The following GNAQ variants were observed in gnomAD, a reference collection of about 807,000 sequenced individuals.
The protein encoded by GNAQ is guanine nucleotide-binding protein G(q) subunit alpha.
Under a neutral mutation model 43.9 loss-of-function variants are expected in GNAQ, and 8 were observed. The observed-to-expected ratio is 0.18, with a 90% CI of 0.11 to 0.33. The LOEUF is 0.33. Among genes scored for constraint, GNAQ ranks in the 10% least tolerant of loss-of-function variants. GNAQ has a pLI of 1.00. For missense variants in GNAQ, 158 were observed against 450.8 expected, an observed-to-expected ratio of 0.35 and a Z score of 5.88; for synonymous variants, 155 against 170.7, an observed-to-expected ratio of 0.91 and a Z score of 0.71.
chr9:77,783,271 T>C (rs1826424720), intron 5 of GNAQ, among the ~76,000 whole-genome samples: 1 of 152,176 alleles, frequency 6.6e-6, no homozygotes, highest in Non-Finnish European at 1.5e-5. Flanking sequence ...GTACTTTCTG[T>C]TCAATCTTGC....
intron 1 of GNAQ, among the ~76,000 whole-genome samples, chr9:77,935,432 C>A (rs1459312216): frequency 6.6e-6 from 1 of 152,162 alleles, no homozygotes; most frequent in Non-Finnish European, 1.5e-5. Context: ...GTTCTCACTT[C>A]TCCTAAAACA....
intron 5 of GNAQ, among the ~76,000 whole-genome samples, chr9:77,753,918 C>T (rs1825857358): frequency 6.6e-6 from 1 of 152,266 alleles, no homozygotes; most frequent in South Asian, 2.1e-4. Context: ...GTCAGGAAGT[C>T]ATCTTTAAAA....
intron 2 of GNAQ, among the ~76,000 whole-genome samples, chr9:77,837,847 ATTT>A (rs71360655): frequency 2.3e-5 from 3 of 128,958 alleles, no homozygotes; most frequent in African/African-American, 6.1e-5. Flanking sequence ...AGTGATTTAA[ATTT>A]TTTTTTTTTT....
chr9:77,853,063 A>T (rs1430703472), intron 2 of GNAQ, among the ~76,000 whole-genome samples: 1 of 152,234 alleles, frequency 6.6e-6, no homozygotes, highest in Non-Finnish European at 1.5e-5. Context: ...ATTTTAGAAA[A>T]GGAAAAGAGA....
chr9:77,847,173 T>C (rs1827600615), intron 2 of GNAQ, among the ~76,000 whole-genome samples: 1 of 152,232 alleles, frequency 6.6e-6, no homozygotes. Context: ...TGGTCTATTA[T>C]GTCTAGAAAC....
chr9:77,830,878 T>C (rs1162653669), intron 2 of GNAQ, among the ~76,000 whole-genome samples: 2 of 152,090 alleles, frequency 1.3e-5, no homozygotes, highest in African/African-American at 4.8e-5. Flanking sequence ...ATGTGTGAAC[T>C]TGTAAAACTT....
At chr9:77,902,729 A>C (rs372729972) in intron 2 of GNAQ, among the ~76,000 whole-genome samples, 10 of 152,304 alleles carry the variant, frequency 6.6e-5, no homozygotes, top group African/African-American at 2.2e-4. Context: ...TTTTTGTACA[A>C]AACAGGATAA....
intron 2 of GNAQ, among the ~76,000 whole-genome samples, chr9:77,830,278 C>T (rs1170023613): frequency 1.3e-5 from 2 of 152,082 alleles, no homozygotes; most frequent in African/African-American, 2.4e-5. Context: ...AATGCCCCCC[C>T]AAGTGGTCTA....
At chr9:77,838,809 A>G (rs1322794089) in intron 2 of GNAQ, among the ~76,000 whole-genome samples, 1 of 152,130 alleles carries the variant, frequency 6.6e-6, no homozygotes, top group East Asian at 1.9e-4. Flanking sequence ...ATATATATAA[A>G]TGTATACATT....
chr9:77,766,111 G>A (rs1826132823), intron 5 of GNAQ, among the ~76,000 whole-genome samples: 1 of 152,190 alleles, frequency 6.6e-6, no homozygotes, highest in African/African-American at 2.4e-5. Context: ...TTCAGTTTGA[G>A]AAGATGAAAG....
At chr9:77,838,137 ATTT>A (rs574992587) in intron 2 of GNAQ, among the ~76,000 whole-genome samples, 12 of 87,178 alleles carry the variant, frequency 1.4e-4, no homozygotes, top group South Asian at 1.1e-3. Flanking sequence ...GGCATTAATG[ATTT>A]TTTTTTTTTT....
intron 2 of GNAQ, among the ~76,000 whole-genome samples, chr9:77,901,395 A>G (rs1384613407): frequency 1.3e-5 from 2 of 152,148 alleles, no homozygotes; most frequent in Non-Finnish European, 2.9e-5. Context: ...AAATTACTCA[A>G]CTTTCCTGGG....
chr9:77,780,799 C>A lies in GNAQ; in HGVS notation c.735+13664G>T, dbSNP rs73453704. Among the ~76,000 whole-genome samples, 1,182 of 152,026 alleles carry A rather than the reference C, an allele frequency of 7.8e-3. 23 individuals carry two copies. Among genetic ancestry groups the A allele is most frequent in the African/African-American group, 0.027 (1,136 of 41,514 alleles). On this transcript the variant is annotated intron_variant, in intron 5 of 6. Transcript: ENST00000286548. ...CTATTTTTTGTCTTTTTGATAATGG[C>A]CTTCCTAAGTGGGGTGAGATGATAC...
chr9:77,815,801 C>T, intron 2 of GNAQ, 31 bp from the exon 3 acceptor site: 2 of 1,548,174 alleles, frequency 1.3e-6, no homozygotes, highest in Non-Finnish European at 1.8e-6. Flanking sequence ...AGTTTTAATA[C>T]CCTATTACTT....
chr9:77,784,380 G>A (rs1308749926), intron 5 of GNAQ, among the ~76,000 whole-genome samples: 2 of 151,802 alleles, frequency 1.3e-5, no homozygotes, highest in African/African-American at 4.8e-5. Flanking sequence ...TTACATAAAC[G>A]GGTTATTCCT....
rs541654892 is a variant in GNAQ, at chr9:77,829,880, T to C, written c.322-14110A>G. ...GAACATCAGCATCACCTGGGGAGCT[T>C]AAAAAAAAGACTCTGATGTCTAGAT... On this transcript the variant is annotated intron_variant, in intron 2 of 6. Transcript: ENST00000286548. Among the ~76,000 whole-genome samples, 20 of 151,988 alleles carry C rather than the reference T, an allele frequency of 1.3e-4. No homozygotes were observed. In the East Asian group the frequency reaches 3.9e-3, roughly 29 times the overall value.
In GNAQ at chr9:77,721,236, A is replaced by C. The variant is rs1825306039; in HGVS notation, c.*87T>G. On this transcript the variant is annotated 3_prime_UTR_variant, in exon 7 of 7. Coordinates refer to ENST00000286548, the MANE Select transcript of GNAQ (RefSeq NM_002072.5). ...GGACGGCAATAAATTAGTATTATGCAAATTGTTTTCCACAGAAATACAGTC... is the reference window on the plus strand; with the variant it reads ...GGACGGCAATAAATTAGTATTATGCCAATTGTTTTCCACAGAAATACAGTC... 1.2e-6 allele frequency: 1 copy of C among 818,542 alleles called. No individual in the cohort carries two copies. Among genetic ancestry groups the C allele is most frequent in the East Asian group, 2.5e-5 (1 of 40,224 alleles). 50.7% of individuals were successfully genotyped at this position (818,542 alleles called of 1,614,324 possible).
Position 78,031,218 on chromosome 9 carries a change from G to A in GNAQ, c.18C>T (p.Ile6=), listed in dbSNP as rs779515663. 4 of 1,546,346 alleles carry A rather than the reference G, an allele frequency of 2.6e-6. No individual in the cohort carries two copies. In the Admixed American group the frequency reaches 5.6e-5, roughly 22 times the overall value. MTLES[I]MACCLSEEAK... is the part of the protein sequence containing the mutation. ...CCTCCTCGCTCAGGCAGCACGCCAT[G>A]ATGGACTCCAGAGTCATTCTTCCAA... The change falls in exon 1 of 7, where the codon ATC becomes ATT. Residue 6 remains isoleucine (I), a synonymous_variant. Transcript: ENST00000286548.
chr9:77,827,035 T>C (rs1238140239), intron 2 of GNAQ, among the ~76,000 whole-genome samples: 2 of 152,200 alleles, frequency 1.3e-5, no homozygotes, highest in Admixed American at 6.5e-5. Context: ...TCTCAAGATA[T>C]GGGTTACATG....
Sources: allele counts gnomAD v4.1 joint callset (sites outside exome capture counted in the v4.1 genomes callset), GRCh38; gene constraint gnomAD v4.1.1; transcripts MANE v1.5; gene names NCBI Gene and HGNC (gene_info 2026-07-23, HGNC 2026-07-21).